Variants in SV2C observed in about 807,000 individuals in gnomAD.
SV2C encodes solute carrier family 22 member B3.
SV2C carries 49 observed loss-of-function variants against 79.7 expected under a neutral mutation model. The ratio of observed to expected loss-of-function variants is 0.61; its 90% CI spans 0.49 to 0.78. SV2C has a LOEUF of 0.78. SV2C is among the 30% of genes least tolerant of loss of function. The probability of loss-of-function intolerance (pLI) is 0.00; values close to 1 mark genes in which losing one functional copy is unlikely to be tolerated. For synonymous variants in SV2C, 334 were observed against 333.2 expected (o/e 1.00, Z -0.03); for missense variants, 833 against 912.9 (o/e 0.91, Z 1.13).
chr5:76,248,620 G>C (rs113219950), intron 4 of SV2C, among the ~76,000 whole-genome samples: 6,559 of 142,758 alleles, frequency 0.046, 474 homozygotes, highest in African/African-American at 0.15. Flanking sequence ...TAGGTGCTCA[G>C]TGATTTTTTT....
intron 2 of SV2C, among the ~76,000 whole-genome samples, chr5:76,138,465 T>G (rs563212284): frequency 2.1e-4 from 32 of 152,332 alleles, no homozygotes; most frequent in African/African-American, 6.3e-4. Context: ...CTGTTGAACT[T>G]TTCAAAAACC....
At chr5:76,150,044 G>A (rs544278011) in intron 2 of SV2C, among the ~76,000 whole-genome samples, 1 of 152,274 alleles carries the variant, frequency 6.6e-6, no homozygotes, top group African/African-American at 2.4e-5. Flanking sequence ...AGAACTGATG[G>A]AAAATCGAAA....
intron 2 of SV2C, among the ~76,000 whole-genome samples, chr5:76,181,726 C>T (rs779805117): frequency 1.3e-5 from 2 of 152,164 alleles, no homozygotes; most frequent in Non-Finnish European, 1.5e-5. Context: ...CCACTTCCCA[C>T]CAGGCCCCAC....
chr5:76,112,747 T>G (rs1010739991), intron 1 of SV2C, among the ~76,000 whole-genome samples: 1 of 152,236 alleles, frequency 6.6e-6, no homozygotes, highest in Non-Finnish European at 1.5e-5. Flanking sequence ...ACCTTCTTTT[T>G]TAGGAACACT....
chr5:76,240,980 G>C (rs1745766877), intron 4 of SV2C, among the ~76,000 whole-genome samples: 1 of 151,852 alleles, frequency 6.6e-6, no homozygotes, highest in Non-Finnish European at 1.5e-5. Flanking sequence ...TTTTGAGATG[G>C]AGTCTCACTC....
intron 12 of SV2C, among the ~76,000 whole-genome samples, chr5:76,350,542 C>T (rs1749625228): frequency 6.6e-6 from 1 of 152,214 alleles, no homozygotes; most frequent in Non-Finnish European, 1.5e-5. Flanking sequence ...CTAGAGACAG[C>T]AGGTTGCTGA....
In SV2C at chr5:76,132,034, G is replaced by A. The variant is rs1199810418; in HGVS notation, c.284G>A (p.Gly95Asp). 1.9e-6 allele frequency: 3 copies of A among 1,612,560 alleles called. No individual in the cohort carries two copies. The highest frequency in any genetic ancestry group is 2.5e-6 in the Non-Finnish European group (3 of 1,179,198). ...GAGATCTATGAGGGGGAGTATCAGG[G>A]CATCCCCAGTATGAACCAAGCGAAG... ...DDEIYEGEYQ[G>D]IPSMNQAKDS... is the part of the protein sequence containing the mutation. The change falls in exon 2 of 13, where the codon GGC becomes GAC. Residue 95 changes from glycine (G) to aspartate (D), a missense_variant. Gly to Asp is a moderately conservative substitution (Grantham distance 94). Coordinates refer to ENST00000502798, the MANE Select transcript of SV2C (RefSeq NM_014979.4).
chr5:76,340,244 C>A (rs1165462246), intron 12 of SV2C, among the ~76,000 whole-genome samples: 1 of 152,238 alleles, frequency 6.6e-6, no homozygotes, highest in Non-Finnish European at 1.5e-5. Flanking sequence ...GAATAATCCA[C>A]CCCTTGTTTA....
At chr5:76,151,797 CTGGG>C (rs1335973495) in intron 2 of SV2C, among the ~76,000 whole-genome samples, 2 of 127,234 alleles carry the variant, frequency 1.6e-5, no homozygotes, top group African/African-American at 5.2e-5. Flanking sequence ...TTAGCAGAGC[CTGGG>C]TGGCAAGTGG....
the SV2C span, among the ~76,000 whole-genome samples, chr5:75,896,152 T>G: frequency 1.3e-5 from 2 of 151,832 alleles, no homozygotes; most frequent in Non-Finnish European, 2.9e-5. Flanking sequence ...CATGCTGGTG[T>G]GCTGCACCCA....
the SV2C span, among the ~76,000 whole-genome samples, chr5:75,979,890 A>T: frequency 6.6e-5 from 10 of 152,212 alleles, no homozygotes; most frequent in African/African-American, 2.2e-4. Flanking sequence ...AGCTGAACTG[A>T]AGGAGATAGA....
chr5:76,189,974 TAACA>T (rs1744043773), intron 2 of SV2C, among the ~76,000 whole-genome samples: 1 of 152,174 alleles, frequency 6.6e-6, no homozygotes, highest in African/African-American at 2.4e-5. Flanking sequence ...GCATAATTAA[TAACA>T]AACAGAACTG....
intron 4 of SV2C, among the ~76,000 whole-genome samples, chr5:76,269,870 T>C (rs1012274576): frequency 6.6e-6 from 1 of 152,220 alleles, no homozygotes; most frequent in Non-Finnish European, 1.5e-5. Flanking sequence ...CACTCTGCAT[T>C]TGATTTTTCC....
At chr5:76,122,729 T>C (rs1580283792) in intron 1 of SV2C, among the ~76,000 whole-genome samples, 1 of 151,492 alleles carries the variant, frequency 6.6e-6, no homozygotes, top group East Asian at 1.9e-4. Flanking sequence ...AAGCAGTGTG[T>C]AGAGGGAAAT....
intron 12 of SV2C, among the ~76,000 whole-genome samples, chr5:76,317,011 G>A (rs771262107): frequency 6.6e-6 from 1 of 151,856 alleles, no homozygotes; most frequent in Non-Finnish European, 1.5e-5. Flanking sequence ...ACACTTAGCA[G>A]ATATTTAATG....
the SV2C span, among the ~76,000 whole-genome samples, chr5:75,932,462 G>T: frequency 6.6e-6 from 1 of 152,192 alleles, no homozygotes; most frequent in African/African-American, 2.4e-5. Flanking sequence ...GGGATCGGGG[G>T]CTAACAGCCT....
chr5:76,196,819 A>C (rs995454937), intron 3 of SV2C, among the ~76,000 whole-genome samples: 3 of 152,226 alleles, frequency 2.0e-5, no homozygotes, highest in Non-Finnish European at 2.9e-5. Flanking sequence ...TGGCAATTTT[A>C]ATTGCCAATC....
chr5:76,316,759 C>G (rs1042968563), intron 12 of SV2C, among the ~76,000 whole-genome samples: 1 of 152,108 alleles, frequency 6.6e-6, no homozygotes, highest in Admixed American at 6.5e-5. Flanking sequence ...TCCTGGCAAG[C>G]TCCTACTATT....
At chr5:76,102,158 G>C (rs545034744) in intron 1 of SV2C, among the ~76,000 whole-genome samples, 1 of 152,280 alleles carries the variant, frequency 6.6e-6, no homozygotes, top group South Asian at 2.1e-4. Context: ...GTCTGTTCTT[G>C]TGTTTAAAAT....
Sources: gnomAD v4.1 joint callset for allele counts (sites outside exome capture counted in the v4.1 genomes callset) on GRCh38, gnomAD v4.1.1 for gene constraint, MANE v1.5 for transcripts, NCBI Gene and HGNC (gene_info 2026-07-23, HGNC 2026-07-21) for gene names.